The following EIF3J variants were observed in gnomAD, a reference collection of about 807,000 sequenced individuals.
EIF3J encodes eukaryotic translation initiation factor 3 subunit J, also known as eukaryotic translation initiation factor 3, subunit 1 (alpha, 35kD).
In EIF3J, 15 loss-of-function variants were observed where a neutral mutation model predicts 39.0. The ratio of observed to expected loss-of-function variants is 0.38; its 90% CI spans 0.26 to 0.59. The LOEUF (loss-of-function observed/expected upper bound fraction) is 0.59, where lower values mean the gene tolerates loss of function less well. Ranked by LOEUF, EIF3J falls within the 20% of genes least tolerant of loss-of-function variation. The pLI is 0.60. For missense variants in EIF3J, 226 were observed against 308.6 expected, an observed-to-expected ratio of 0.73 and a Z score of 2.00; for synonymous variants, 98 against 112.9, an observed-to-expected ratio of 0.87 and a Z score of 0.84.
In EIF3J at chr15:44,560,237, T is replaced by C. The variant is rs1207494758; in HGVS notation, c.572-12T>C. 6.3e-7 allele frequency: 1 copy of C among 1,588,650 alleles called. No individual in the cohort carries two copies. Among genetic ancestry groups the C allele is most frequent in the East Asian group, 2.2e-5 (1 of 44,614 alleles). ...AAATTCAAGTTTAATGGTATGCCCT[T>C]TTTTTTTTAAGTGGAAATTGATGAC... On this transcript the variant is annotated splice_polypyrimidine_tract_variant and intron_variant, in intron 6 of 7. Transcript: ENST00000261868.
At chr15:44,541,987 T>G (rs2082017994) in intron 2 of EIF3J, among the ~76,000 whole-genome samples, 1 of 152,244 alleles carries the variant, frequency 6.6e-6, no homozygotes, top group African/African-American at 2.4e-5. Flanking sequence ...TCATTGTAAA[T>G]AAACCACTTG....
intron 2 of EIF3J, 104 bp from the exon 3 acceptor site, chr15:44,550,770 CAA>C (rs1197548994): frequency 1.2e-6 from 1 of 813,230 alleles, no homozygotes; most frequent in Non-Finnish European, 2.0e-6. Context: ...TAATGCAGTA[CAA>C]AAAAATACCA....
At chr15:44,541,371 G>T (rs1882082054) in intron 2 of EIF3J, among the ~76,000 whole-genome samples, 1 of 152,158 alleles carries the variant, frequency 6.6e-6, no homozygotes, top group African/African-American at 2.4e-5. Flanking sequence ...GAAACTTATA[G>T]CTGTGTTCAG....
chr15:44,544,468 GCTGAGGTGGGTGGATCAC>G (rs1195124947), intron 2 of EIF3J, among the ~76,000 whole-genome samples: 1 of 151,380 alleles, frequency 6.6e-6, no homozygotes, highest in Non-Finnish European at 1.5e-5. Flanking sequence ...ACTTTGGGAG[GCTGAGGTGGGTGGATCAC>G]CTGAGGTCGG....
intron 2 of EIF3J, among the ~76,000 whole-genome samples, chr15:44,538,315 C>T (rs1373828547): frequency 6.7e-6 from 1 of 148,388 alleles, no homozygotes; most frequent in Non-Finnish European, 1.5e-5. Context: ...ACAGTAGTTA[C>T]AGAAGTCTCA....
intron 2 of EIF3J, among the ~76,000 whole-genome samples, chr15:44,545,091 T>A (rs981689013): frequency 6.6e-6 from 1 of 152,208 alleles, no homozygotes; most frequent in South Asian, 2.1e-4. Flanking sequence ...TGGGCATATC[T>A]TAATATGTGT....
At chr15:44,551,011 G>T in intron 3 of EIF3J, 81 bp downstream of exon 3, 1 of 1,511,338 alleles carries the variant, frequency 6.6e-7, no homozygotes. Flanking sequence ...ATGACAGAAC[G>T]CTCACAAAAT....
At chr15:44,549,659 C>T (rs949137776) in intron 2 of EIF3J, among the ~76,000 whole-genome samples, 2 of 139,052 alleles carry the variant, frequency 1.4e-5, no homozygotes, top group African/African-American at 2.7e-5. Context: ...CCCAGCTACT[C>T]GGGAGGCTGA....
chr15:44,560,328 A>C lies in EIF3J; in HGVS notation c.645+6A>C. The C allele has an allele frequency of 5.6e-6, 9 of 1,612,728 alleles. No individual in the cohort carries two copies. Among genetic ancestry groups the C allele is most frequent in the Non-Finnish European group, 7.6e-6 (9 of 1,179,768 alleles). On this transcript the variant is annotated splice_donor_region_variant and intron_variant, in intron 7 of 7. Transcript: ENST00000261868. ...AAAAACAGAAGCAAGAAAAGGTAAGAGCAAGCTGTGTAGGGAAATGGGTAT... is the reference window on the plus strand; with the variant it reads ...AAAAACAGAAGCAAGAAAAGGTAAGCGCAAGCTGTGTAGGGAAATGGGTAT...
intron 4 of EIF3J, among the ~76,000 whole-genome samples, 192 bp downstream of exon 4, chr15:44,551,714 CTT>C (rs992161290): frequency 2.0e-5 from 3 of 152,114 alleles, no homozygotes; most frequent in African/African-American, 7.2e-5. Flanking sequence ...ATATGAGTGT[CTT>C]TTAAGTTTTC....
chr15:44,538,260 C>T (rs987838160), intron 2 of EIF3J, among the ~76,000 whole-genome samples: 10 of 149,578 alleles, frequency 6.7e-5, no homozygotes, highest in Non-Finnish European at 3.0e-5. Context: ...GTTCATTATA[C>T]AGCTGTAAGT....
intron 2 of EIF3J, among the ~76,000 whole-genome samples, chr15:44,548,419 AAAC>A (rs1462647309): frequency 2.0e-5 from 3 of 152,216 alleles, no homozygotes; most frequent in Non-Finnish European, 2.9e-5. Flanking sequence ...CCGTCTCAAA[AAAC>A]AAGACCAAAA....
chr15:44,548,543 G>C (rs945992456), intron 2 of EIF3J, among the ~76,000 whole-genome samples: 1 of 152,130 alleles, frequency 6.6e-6, no homozygotes, highest in African/African-American at 2.4e-5. Flanking sequence ...TAAGTCACAA[G>C]GTATCTTAAA....
At chr15:44,557,346 C>T (rs1420470869) in intron 5 of EIF3J, 143 bp from the exon 6 acceptor site, 1 of 488,504 alleles carries the variant, frequency 2.0e-6, no homozygotes, top group Non-Finnish European at 3.3e-6. Context: ...CCATTCTATC[C>T]AGTGACTCCA....
At chr15:44,549,032 C>A (rs2082076562) in intron 2 of EIF3J, among the ~76,000 whole-genome samples, 1 of 151,538 alleles carries the variant, frequency 6.6e-6, no homozygotes, top group Non-Finnish European at 1.5e-5. Flanking sequence ...AATCAGAGAT[C>A]TAAATAAAAA....
intron 5 of EIF3J, among the ~76,000 whole-genome samples, chr15:44,556,677 T>C (rs1014397183): frequency 1.3e-5 from 2 of 152,078 alleles, no homozygotes; most frequent in African/African-American, 4.8e-5. Context: ...GCCTGGCTAA[T>C]TTTTGTATTT....
chr15:44,544,830 C>T (rs2082040899), intron 2 of EIF3J, among the ~76,000 whole-genome samples: 1 of 151,822 alleles, frequency 6.6e-6, no homozygotes, highest in Admixed American at 6.6e-5. Flanking sequence ...ATGGTGAAAC[C>T]CGGTCTCTAC....
rs947397085 is a variant in EIF3J, at chr15:44,551,589, A to C, written c.294+67A>C. ...GTGGTATAGTTTCTAACAGGCTGCA[A>C]ATATTACCTAGGAATTTGAAGGGCT... On this transcript the variant is annotated intron_variant, in intron 4 of 7. Transcript: ENST00000261868. The C allele has an allele frequency of 1.3e-5, 16 of 1,218,934 alleles. No homozygotes were observed. The South Asian group carries it at 2.3e-4, about 18-fold the overall frequency. 75.5% of individuals were successfully genotyped at this position (1,218,934 alleles called of 1,614,324 possible). A position where few individuals can be genotyped will look rare whatever the true frequency, so the allele number is the denominator to read the frequency against.
chr15:44,558,362 G>C (rs1251696462), intron 6 of EIF3J, among the ~76,000 whole-genome samples: 1 of 151,990 alleles, frequency 6.6e-6, no homozygotes, highest in Non-Finnish European at 1.5e-5. Context: ...CCAGCACTTT[G>C]GGAGGCCAAA....
Sources: gnomAD v4.1 joint callset for allele counts (sites outside exome capture counted in the v4.1 genomes callset) on GRCh38, gnomAD v4.1.1 for gene constraint, MANE v1.5 for transcripts, NCBI Gene and HGNC (gene_info 2026-07-23, HGNC 2026-07-21) for gene names.